Variants in RYK observed in about 807,000 individuals in gnomAD.
RYK encodes the protein receptor like tyrosine kinase, also known as inactive tyrosine-protein kinase RYK.
In RYK, 21 loss-of-function variants were observed where a neutral mutation model predicts 70.2. The observed-to-expected ratio is 0.30, with a 90% CI of 0.21 to 0.43. RYK has a LOEUF of 0.43. Ranked by LOEUF, RYK falls within the 20% of genes least tolerant of loss-of-function variation. The probability of loss-of-function intolerance (pLI) is 1.00; values close to 1 mark genes in which losing one functional copy is unlikely to be tolerated. For missense variants in RYK, 604 were observed against 753.3 expected, an observed-to-expected ratio of 0.80 and a Z score of 2.32; for synonymous variants, 267 against 278.0, an observed-to-expected ratio of 0.96 and a Z score of 0.39.
chr3:134,218,492 G>A (rs1340767951), intron 2 of RYK, among the ~76,000 whole-genome samples: 1 of 152,204 alleles, frequency 6.6e-6, no homozygotes, highest in African/African-American at 2.4e-5. Context: ...CTGGAGAAGA[G>A]GTGACAACAG....
At chr3:134,235,336 G>A (rs776860264) in intron 1 of RYK, among the ~76,000 whole-genome samples, 2 of 151,532 alleles carry the variant, frequency 1.3e-5, no homozygotes, top group African/African-American at 2.4e-5. Flanking sequence ...TTTCCAAATA[G>A]TCTATAATGA....
In RYK at chr3:134,159,368, G is replaced by T; in HGVS notation, c.1581C>A (p.Ala527=). 1 of 1,602,484 alleles carries T rather than the reference G, an allele frequency of 6.2e-7. No homozygotes were observed. The highest frequency in any genetic ancestry group is 8.5e-7 in the Non-Finnish European group (1 of 1,173,760). ...NEFSSASDVW[A]FGVTLWELMT... is the part of the protein sequence containing the mutation. ...TGAGTTCCCACAGCGTCACTCCAAA[G>T]GCCCACTAGTAAAGGAGCAGAAGCA... Residue 527 remains alanine, a synonymous_variant, in exon 14 of 15, where the codon GCC becomes GCA. Transcript: ENST00000623711.
intron 1 of RYK, among the ~76,000 whole-genome samples, chr3:134,235,122 G>T (rs540149729): frequency 1.3e-5 from 2 of 152,070 alleles, no homozygotes; most frequent in African/African-American, 2.4e-5. Flanking sequence ...CCGGGCAATG[G>T]TAAGAAGGCA....
intron 14 of RYK, 33 bp from the exon 15 acceptor site, chr3:134,158,297 G>GT (rs1302922626): frequency 1.4e-6 from 2 of 1,406,528 alleles, no homozygotes; most frequent in African/African-American, 2.9e-5. Flanking sequence ...ATTTGGGCTA[G>GT]TAAGGATACA....
chr3:134,187,898 TGTAA>T (rs1001454804), intron 9 of RYK, among the ~76,000 whole-genome samples: 17 of 151,960 alleles, frequency 1.1e-4, no homozygotes, highest in African/African-American at 3.1e-4. Flanking sequence ...AAGCATCTGT[TGTAA>T]GTAATTAAAA....
chr3:134,212,202 G>A (rs1482688515), intron 2 of RYK, among the ~76,000 whole-genome samples: 1 of 152,180 alleles, frequency 6.6e-6, no homozygotes, highest in Non-Finnish European at 1.5e-5. Context: ...GAATCCAGAA[G>A]GGAAGACAGG....
At chr3:134,176,610 G>A (rs951389848) in intron 11 of RYK, among the ~76,000 whole-genome samples, 1 of 152,082 alleles carries the variant, frequency 6.6e-6, no homozygotes, top group Non-Finnish European at 1.5e-5. Context: ...GCCAGGTATG[G>A]TGGCATGTTC....
At chr3:134,241,775 A>G (rs2015332664) in intron 1 of RYK, among the ~76,000 whole-genome samples, 1 of 152,228 alleles carries the variant, frequency 6.6e-6, no homozygotes, top group Non-Finnish European at 1.5e-5. Flanking sequence ...CATCTCTGTG[A>G]CCTACAGCAA....
intron 6 of RYK, among the ~76,000 whole-genome samples, chr3:134,202,092 CTATAAAG>C (rs1356044273): frequency 6.6e-6 from 1 of 151,958 alleles, no homozygotes; most frequent in Non-Finnish European, 1.5e-5. Context: ...AATCTTGAAA[CTATAAAG>C]TATATCATTC....
At chr3:134,194,756 T>C (rs922728113) in intron 7 of RYK, among the ~76,000 whole-genome samples, 2 of 152,220 alleles carry the variant, frequency 1.3e-5, no homozygotes, top group Admixed American at 1.3e-4. Context: ...TGCAGCTCAA[T>C]AGTTAATTCC....
chr3:134,180,625 A>G (rs1463141220), intron 10 of RYK: 2 of 152,238 alleles, frequency 1.3e-5, no homozygotes, highest in Non-Finnish European at 2.9e-5. Context: ...ATGAACAAAC[A>G]AATACATAAG....
At chr3:134,203,219 G>C (rs979174218) in intron 5 of RYK, among the ~76,000 whole-genome samples, 5 of 152,102 alleles carry the variant, frequency 3.3e-5, no homozygotes, top group African/African-American at 1.2e-4. Flanking sequence ...ATGGTGGCAG[G>C]CACCTGTAAT....
At chr3:134,190,570 G>A (rs1576512541) in intron 8 of RYK, among the ~76,000 whole-genome samples, 1 of 151,416 alleles carries the variant, frequency 6.6e-6, no homozygotes, top group Non-Finnish European at 1.5e-5. Context: ...AAAAAAAATC[G>A]CATGTAACTA....
At chr3:134,236,974 T>G (rs1263350539) in intron 1 of RYK, among the ~76,000 whole-genome samples, 1 of 152,146 alleles carries the variant, frequency 6.6e-6, no homozygotes, top group African/African-American at 2.4e-5. Flanking sequence ...CATTGCCAAT[T>G]CCAGCAAAGG....
intron 14 of RYK, 83 bp from the exon 15 acceptor site, chr3:134,158,347 G>T: frequency 1.4e-6 from 1 of 706,814 alleles, no homozygotes; most frequent in Non-Finnish European, 2.2e-6. Context: ...CAGTTATGTT[G>T]CCTGTCTAAA....
At chr3:134,159,468 C>T (rs1175406710) in intron 13 of RYK, 95 bp from the exon 14 acceptor site, 1 of 1,210,050 alleles carries the variant, frequency 8.3e-7, no homozygotes, top group Non-Finnish European at 1.1e-6. Flanking sequence ...AATAACAGCT[C>T]AACTCATGCT....
At chr3:134,235,384 C>G (rs1160456650) in intron 1 of RYK, among the ~76,000 whole-genome samples, 1 of 151,710 alleles carries the variant, frequency 6.6e-6, no homozygotes, top group African/African-American at 2.4e-5. Context: ...TGTATATTTT[C>G]CAGTCTATAT....
intron 6 of RYK, 52 bp from the exon 7 acceptor site, chr3:134,195,234 T>A (rs143350892): frequency 1.5e-6 from 2 of 1,352,866 alleles, no homozygotes; most frequent in Admixed American, 1.8e-5. Flanking sequence ...CAATGAGAAA[T>A]TTCCTTTTTC....
chr3:134,218,704 A>T (rs892609126), intron 2 of RYK, among the ~76,000 whole-genome samples: 16 of 152,138 alleles, frequency 1.1e-4, no homozygotes, highest in Admixed American at 1.3e-4. Flanking sequence ...CGAAATCAAG[A>T]GCTTTATTCC....
Sources: allele counts gnomAD v4.1 joint callset (sites outside exome capture counted in the v4.1 genomes callset), GRCh38; gene constraint gnomAD v4.1.1; transcripts MANE v1.5; gene names NCBI Gene and HGNC (gene_info 2026-07-23, HGNC 2026-07-21).